The following ESR1 variants were observed in gnomAD, a reference collection of about 807,000 sequenced individuals.
ESR1 encodes the protein estrogen receptor.
Under a neutral mutation model 52.7 loss-of-function variants are expected in ESR1, and 12 were observed. The observed-to-expected ratio is 0.23, with a 90% CI of 0.15 to 0.37. ESR1 has a LOEUF of 0.37. Ranked by LOEUF, ESR1 falls within the 10% of genes least tolerant of loss-of-function variation. The pLI is 1.00. For synonymous variants in ESR1, 305 were observed against 316.8 expected (o/e 0.96, Z 0.39); for missense variants, 584 against 779.7 (o/e 0.75, Z 2.99).
chr6:151,992,464 T>C (rs569336729), intron 4 of ESR1, among the ~76,000 whole-genome samples: 1 of 152,370 alleles, frequency 6.6e-6, no homozygotes, highest in South Asian at 2.1e-4. Context: ...GGTTCTTTTA[T>C]GTTTTCTTAT....
intron 2 of ESR1, among the ~76,000 whole-genome samples, chr6:151,727,004 A>G (rs1781897555): frequency 6.6e-6 from 1 of 152,220 alleles, no homozygotes; most frequent in African/African-American, 2.4e-5. Flanking sequence ...CTGTAGAACC[A>G]TTTATCAGAT....
At chr6:152,028,977 G>C (rs1415384962) in intron 5 of ESR1, among the ~76,000 whole-genome samples, 1 of 152,206 alleles carries the variant, frequency 6.6e-6, no homozygotes, top group African/African-American at 2.4e-5. Context: ...AACATTTGCT[G>C]TTCACCAATA....
At chr6:151,839,489 G>A (rs1157008349) in intron 1 of ESR1, among the ~76,000 whole-genome samples, 1 of 152,128 alleles carries the variant, frequency 6.6e-6, no homozygotes, top group Admixed American at 6.5e-5. Flanking sequence ...CTACTTCTGG[G>A]TATATATCTA....
chr6:151,891,577 T>C (rs1794705647), intron 3 of ESR1, among the ~76,000 whole-genome samples: 1 of 152,194 alleles, frequency 6.6e-6, no homozygotes, highest in Non-Finnish European at 1.5e-5. Context: ...CCTTTTTGTT[T>C]TTCAGTTGGA....
intron 1 of ESR1, among the ~76,000 whole-genome samples, chr6:151,824,471 G>A (rs765783410): frequency 1.3e-5 from 2 of 152,120 alleles, no homozygotes; most frequent in Admixed American, 6.5e-5. Context: ...AAGCTCTTTC[G>A]TTTAATTAGA....
chr6:152,039,507 T>C (rs1490015997), intron 5 of ESR1, among the ~76,000 whole-genome samples: 1 of 152,076 alleles, frequency 6.6e-6, no homozygotes, highest in East Asian at 1.9e-4. Flanking sequence ...CATTATTGTG[T>C]CTCCTGGTGG....
intron 3 of ESR1, among the ~76,000 whole-genome samples, chr6:151,939,038 A>G (rs969727883): frequency 5.3e-5 from 8 of 152,242 alleles, no homozygotes; most frequent in Non-Finnish European, 8.8e-5. Context: ...AACTTGAGCT[A>G]TAATGACAGT....
chr6:151,852,766 T>TAC (rs1171720444), intron 2 of ESR1, among the ~76,000 whole-genome samples: 1 of 151,462 alleles, frequency 6.6e-6, no homozygotes, highest in Non-Finnish European at 1.5e-5. Context: ...TGTGTTAACA[T>TAC]ACATACTGTG....
At chr6:151,665,352 GTTTGTCACGACCTCTAAATCATTGTTAA>G (rs1435875380) in intron 1 of ESR1, among the ~76,000 whole-genome samples, 1 of 152,164 alleles carries the variant, frequency 6.6e-6, no homozygotes, top group Non-Finnish European at 1.5e-5. Context: ...TTTTAGAAGT[GTTTGTCACGACCTCTAAATCATTGTTAA>G]TTTCATCGTT....
At chr6:151,669,673 G>C (rs1041701144) in intron 1 of ESR1, among the ~76,000 whole-genome samples, 1 of 152,128 alleles carries the variant, frequency 6.6e-6, no homozygotes, top group African/African-American at 2.4e-5. Context: ...CACTTGGTAG[G>C]GCTGTTGGAA....
At chr6:151,820,450 A>G (rs973980062) in intron 1 of ESR1, among the ~76,000 whole-genome samples, 1 of 152,168 alleles carries the variant, frequency 6.6e-6, no homozygotes, top group Non-Finnish European at 1.5e-5. Flanking sequence ...CATTTCTCAT[A>G]AGAGGCTGGT....
chr6:151,842,836 C>A (rs755204892), intron 2 of ESR1, 49 bp downstream of exon 2: 1 of 1,544,816 alleles, frequency 6.5e-7, no homozygotes, highest in East Asian at 2.3e-5. Flanking sequence ...ATGAGCAGAT[C>A]CTAAGAGCCA....
At chr6:152,015,880 C>T (rs2043131358) in intron 5 of ESR1, among the ~76,000 whole-genome samples, 2 of 152,112 alleles carry the variant, frequency 1.3e-5, no homozygotes, top group South Asian at 4.1e-4. Flanking sequence ...TCTTATCTTT[C>T]CCATAATCAA....
intron 4 of ESR1, among the ~76,000 whole-genome samples, chr6:151,975,860 C>G (rs1247506759): frequency 6.6e-6 from 1 of 152,136 alleles, no homozygotes; most frequent in Non-Finnish European, 1.5e-5. Context: ...TATCTATAAA[C>G]CTAAGGTTTA....
chr6:151,712,225 C>A (rs1464264726), intron 2 of ESR1, among the ~76,000 whole-genome samples: 1 of 152,142 alleles, frequency 6.6e-6, no homozygotes, highest in Admixed American at 6.5e-5. Context: ...GTACCAGTAC[C>A]ATGCTGTTTT....
At chr6:152,085,070 G>A (rs1169334583) in intron 6 of ESR1, among the ~76,000 whole-genome samples, 1 of 152,126 alleles carries the variant, frequency 6.6e-6, no homozygotes, top group African/African-American at 2.4e-5. Context: ...TCCACCTCTT[G>A]GTGTATCAGG....
chr6:151,686,620 G>A (rs990230614), upstream of ESR1, among the ~76,000 whole-genome samples: 1 of 152,058 alleles, frequency 6.6e-6, no homozygotes. Flanking sequence ...CCCGAGAGGC[G>A]GAGCTTGCAG....
At chr6:151,921,920 G>T (rs2128464142) in intron 3 of ESR1, among the ~76,000 whole-genome samples, 1 of 152,250 alleles carries the variant, frequency 6.6e-6, no homozygotes, top group Admixed American at 6.5e-5. Context: ...TTCTTTTGCT[G>T]TACAGAAGAT....
At chr6:151,782,444 G>C (rs1786635878) in intron 2 of ESR1, among the ~76,000 whole-genome samples, 1 of 152,120 alleles carries the variant, frequency 6.6e-6, no homozygotes, top group South Asian at 2.1e-4. Context: ...CCTTTAACAA[G>C]TGTTTGGGTT....
Sources: gnomAD v4.1 joint callset for allele counts (sites outside exome capture counted in the v4.1 genomes callset) on GRCh38, gnomAD v4.1.1 for gene constraint, MANE v1.5 for transcripts, NCBI Gene and HGNC (gene_info 2026-07-23, HGNC 2026-07-21) for gene names.